The following STK32B variants were observed in gnomAD, a reference collection of about 807,000 sequenced individuals.
The protein encoded by STK32B is serine/threonine kinase 32B.
In STK32B, 43 loss-of-function variants were observed where a neutral mutation model predicts 52.6. The observed-to-expected ratio is 0.82, with a 90% confidence interval of 0.64 to 1.05. The LOEUF is 1.05. STK32B is among the 50% of genes least tolerant of loss of function. STK32B has a pLI of 0.00. For synonymous variants in STK32B, 238 were observed against 204.3 expected (o/e 1.17, Z -1.41); for missense variants, 621 against 534.6 (o/e 1.16, Z -1.59).
At chr4:5,184,154 A>G (rs1720561984) in intron 3 of STK32B, among the ~76,000 whole-genome samples, 1 of 152,098 alleles carries the variant, frequency 6.6e-6, no homozygotes, top group African/African-American at 2.4e-5. Flanking sequence ...TGCCTTCCTC[A>G]CTAAGCTTAA....
At position 5,484,555 on chromosome 4, in the gene STK32B, G is replaced by T. The variant is rs566408754; in HGVS notation, c.1107-14390G>T. 7.2e-5 allele frequency among the ~76,000 whole-genome samples: 11 copies of T among 152,234 alleles called. No individual in the cohort carries two copies. In the East Asian group the frequency reaches 2.1e-3, roughly 29 times the overall value. ...GACTCTTTATCCAGTTTGCCAGTCT[G>T]TCTCTTTTAATTGGAGCATTTAGCC... is the stretch of plus-strand genomic sequence containing the variant. On this transcript the variant is annotated intron_variant, in intron 11 of 11. Coordinates refer to ENST00000282908, the MANE Select transcript of STK32B (RefSeq NM_018401.3).
At chr4:5,103,661 G>A (rs1185664877) in intron 1 of STK32B, among the ~76,000 whole-genome samples, 1 of 152,116 alleles carries the variant, frequency 6.6e-6, no homozygotes, top group Non-Finnish European at 1.5e-5. Flanking sequence ...CTGGGCCACG[G>A]AGTTTGCCCA....
chr4:5,320,793 A>G (rs959779616), intron 3 of STK32B, among the ~76,000 whole-genome samples: 1 of 152,174 alleles, frequency 6.6e-6, no homozygotes, highest in Non-Finnish European at 1.5e-5. Flanking sequence ...TGGATATCCT[A>G]TCTATTTTGT....
intron 4 of STK32B, among the ~76,000 whole-genome samples, chr4:5,335,129 C>T (rs1167101585): frequency 6.6e-6 from 1 of 152,118 alleles, no homozygotes; most frequent in Non-Finnish European, 1.5e-5. Flanking sequence ...TGTTGGTAAG[C>T]TATTGATTAT....
intron 7 of STK32B, among the ~76,000 whole-genome samples, chr4:5,450,025 A>G (rs529604372): frequency 4.0e-4 from 61 of 152,320 alleles, no homozygotes; most frequent in African/African-American, 1.4e-3. Context: ...ACCCTAGTCC[A>G]TGGAAAAAAA....
intron 4 of STK32B, among the ~76,000 whole-genome samples, chr4:5,366,342 A>G (rs900318768): frequency 2.6e-5 from 4 of 152,198 alleles, no homozygotes; most frequent in Non-Finnish European, 5.9e-5. Flanking sequence ...TTACCTTCCC[A>G]AAGGGTTTGA....
At chr4:5,231,717 C>G (rs943767499) in intron 3 of STK32B, among the ~76,000 whole-genome samples, 2 of 152,122 alleles carry the variant, frequency 1.3e-5, no homozygotes, top group Non-Finnish European at 2.9e-5. Context: ...AAGAAAAAAA[C>G]TGATGACCAA....
intron 3 of STK32B, among the ~76,000 whole-genome samples, chr4:5,219,703 T>C (rs1164278137): frequency 6.6e-6 from 1 of 152,218 alleles, no homozygotes; most frequent in East Asian, 1.9e-4. Flanking sequence ...AGCACTTGAC[T>C]GCGTACTTGT....
intron 3 of STK32B, among the ~76,000 whole-genome samples, chr4:5,202,905 G>T (rs1722270260): frequency 2.6e-5 from 4 of 152,208 alleles, no homozygotes; most frequent in Admixed American, 2.6e-4. Context: ...AACAGAAATA[G>T]CTTATTTATT....
intron 7 of STK32B, among the ~76,000 whole-genome samples, chr4:5,448,404 G>T (rs960302372): frequency 1.3e-5 from 2 of 152,172 alleles, no homozygotes. Context: ...CCACGATGTC[G>T]TAGGAACCAG....
chr4:5,101,445 C>T (rs190541082), intron 1 of STK32B, among the ~76,000 whole-genome samples: 54 of 152,152 alleles, frequency 3.5e-4, no homozygotes, highest in Non-Finnish European at 6.9e-4. Flanking sequence ...TTTGTCAATG[C>T]CTGAAGAAAA....
In STK32B at chr4:5,079,517, T is replaced by G. The variant is rs537736050; in HGVS notation, c.52+27602T>G. On this transcript the variant is annotated intron_variant, in intron 1 of 11. Coordinates refer to ENST00000282908, the MANE Select transcript of STK32B (RefSeq NM_018401.3). ...TCATTGGTTTAAATGAGATTCTTGT[T>G]GCTTAGAGAGTTAGAAAATTTTCAT... 5.3e-5 allele frequency among the ~76,000 whole-genome samples: 8 copies of G among 152,328 alleles called. No individual in the cohort carries two copies. In the South Asian group the frequency reaches 1.0e-3, roughly 20 times the overall value.
chr4:5,441,287 G>C (rs561856379), intron 6 of STK32B, among the ~76,000 whole-genome samples: 4,915 of 151,898 alleles, frequency 0.032, 118 homozygotes, highest in Non-Finnish European at 0.053. Context: ...TTCAGCTCCT[G>C]TTATTGGTCT....
At chr4:5,357,610 A>G (rs1385441400) in intron 4 of STK32B, among the ~76,000 whole-genome samples, 7 of 151,966 alleles carry the variant, frequency 4.6e-5, no homozygotes. Flanking sequence ...ATATTTACTA[A>G]TGGCAGTAAA....
At chr4:5,477,562 A>C (rs1718338189) in intron 11 of STK32B, among the ~76,000 whole-genome samples, 1 of 152,150 alleles carries the variant, frequency 6.6e-6, no homozygotes, top group African/African-American at 2.4e-5. Context: ...TCAGTGACTT[A>C]ACAACAACCA....
intron 3 of STK32B, among the ~76,000 whole-genome samples, chr4:5,325,079 A>G (rs1213153418): frequency 6.6e-6 from 1 of 152,220 alleles, no homozygotes; most frequent in Non-Finnish European, 1.5e-5. Flanking sequence ...ATCCGTGAGC[A>G]TGACGCACAG....
chr4:5,339,169 C>G (rs527921938), intron 4 of STK32B, among the ~76,000 whole-genome samples: 53 of 152,310 alleles, frequency 3.5e-4, no homozygotes, highest in African/African-American at 1.3e-3. Context: ...TTTCTCAGGC[C>G]TTCATACTTG....
intron 3 of STK32B, among the ~76,000 whole-genome samples, chr4:5,203,315 C>A (rs1432715293): frequency 6.6e-6 from 1 of 152,144 alleles, no homozygotes; most frequent in Non-Finnish European, 1.5e-5. Flanking sequence ...GACGTTCATT[C>A]ATTCATCTTC....
In STK32B at chr4:5,409,872, A is replaced by G. The variant is rs1711518119; in HGVS notation, c.473-6973A>G. 6.6e-5 allele frequency among the ~76,000 whole-genome samples: 10 copies of G among 152,272 alleles called. No individual in the cohort carries two copies. In the South Asian group the frequency reaches 2.1e-3, roughly 32 times the overall value. ...ACAGAAGGAAGCCAAATTAAATGGA[A>G]CAGAAAAAAAATCAAAGGCTCATTT... On this transcript the variant is annotated intron_variant, in intron 5 of 11. Transcript: ENST00000282908.
Sources: gnomAD v4.1 joint callset for allele counts (sites outside exome capture counted in the v4.1 genomes callset) on GRCh38, gnomAD v4.1.1 for gene constraint, MANE v1.5 for transcripts, NCBI Gene and HGNC (gene_info 2026-07-23, HGNC 2026-07-21) for gene names.